PLIN4: variants seen among roughly 807,000 people sequenced by gnomAD.
The protein encoded by PLIN4 is perilipin 4.
PLIN4 carries 57 observed loss-of-function variants against 52.4 expected under a neutral mutation model. The observed-to-expected ratio is 1.09, with a 90% CI of 0.88 to 1.36. The LOEUF is 1.36. PLIN4 is among the 40% of genes most tolerant of loss of function. PLIN4 has a pLI of 0.00. For missense variants in PLIN4, 1,757 were observed against 1,770.3 expected, an observed-to-expected ratio of 0.99 and a Z score of 0.13; for synonymous variants, 826 against 785.4, an observed-to-expected ratio of 1.05 and a Z score of -0.86.
rs376010298 is a variant in PLIN4, at chr19:4,511,045, A to G, written c.2915T>C (p.Val972Ala). 4.3e-6 allele frequency: 7 copies of G among 1,613,024 alleles called. No homozygotes were observed. In the African/African-American group the frequency reaches 8.0e-5, roughly 18 times the overall value. The change falls in exon 5 of 8, where the codon GTG becomes GCG. Residue 972 changes from valine (V) to alanine (A), a missense_variant. By Grantham distance (64) the Val-to-Ala change is moderately conservative. Transcript: ENST00000301286. The stretch of plus-strand genomic sequence containing the variant: ...CTGCACGGTTCCTTTGGCCACATTC[A>G]CTGCCCCCGTGACTCCAGTAGTCAC... ...DAVTTGVTGA[V>A]NVAKGTVQTG...
At position 4,504,178 on chromosome 19, in the gene PLIN4, G is replaced by C. The variant is rs1599733438; in HGVS notation, c.*281C>G. On this transcript the variant is annotated 3_prime_UTR_variant, in exon 8 of 8. Transcript: ENST00000301286. ...CAGTGCTTGCTTGGGGACTTCAAGG[G>C]AAGGCTCTTGGCTGGTGGTCTGAGT... 2.6e-6 allele frequency: 1 copy of C among 388,478 alleles called. No homozygotes were observed. Among genetic ancestry groups the C allele is most frequent in the Non-Finnish European group, 4.6e-6 (1 of 218,486 alleles). 24.1% of individuals were successfully genotyped at this position (388,478 alleles called of 1,614,324 possible). A position where few individuals can be genotyped will look rare whatever the true frequency, so the allele number is the denominator to read the frequency against.
In PLIN4 at chr19:4,510,537, G is replaced by A. The variant is rs761574016; in HGVS notation, c.3423C>T (p.His1141=). ...CCAAGCGTGGGGCTTCTTCGGGGCC[G>A]TGTGTGGTGGCCAAAAGCCCCGTGT... ...REDTGLLATT[H]GPEEAPRLAM... Residue 1141 remains histidine, a synonymous_variant, in exon 5 of 8, where the codon CAC becomes CAT. Coordinates refer to ENST00000301286, the MANE Select transcript of PLIN4 (RefSeq NM_001367868.2). 99 of 1,492,572 alleles carry A rather than the reference G, an allele frequency of 6.6e-5. No homozygotes were observed. The Middle Eastern group carries it at 7.2e-4, about 11-fold the overall frequency. 92.5% of individuals were successfully genotyped at this position (1,492,572 alleles called of 1,614,324 possible).
chr19:4,517,648 G>A lies in PLIN4; in HGVS notation c.102C>T (p.Asn34=), dbSNP rs1976624348. ...GSLPGFSSAR[N]LVANAHSSAR... ...CCGAGCTATGTGCGTTGGCCACCAG[G>A]TTCCGGGCAGAGCTGAAGCCAGGCA... The change falls in exon 3 of 8, where the codon AAC becomes AAT. Residue 34 remains asparagine (N), a synonymous_variant. Coordinates refer to ENST00000301286, the MANE Select transcript of PLIN4 (RefSeq NM_001367868.2). The A allele has an allele frequency of 6.2e-7, 1 of 1,607,004 alleles. No individual in the cohort carries two copies. Among genetic ancestry groups the A allele is most frequent in the South Asian group, 1.1e-5 (1 of 89,900 alleles).
Position 4,513,481 on chromosome 19 carries a change from G to T in PLIN4, c.479C>A (p.Thr160Asn), listed in dbSNP as rs771446482. The T allele has an allele frequency of 3.7e-6, 6 of 1,613,216 alleles. No homozygotes were observed. In the Admixed American group the frequency reaches 1.0e-4, roughly 27 times the overall value. The change falls in exon 5 of 8, where the codon ACC becomes AAC. Residue 160 changes from threonine (T) to asparagine (N), a missense_variant. Coordinates refer to ENST00000301286, the MANE Select transcript of PLIN4 (RefSeq NM_001367868.2). ...AKGAVQGGLD[T>N]SKAVLTGTKD... ...GGTGCCGGTGAGGACAGCCTTCGAG[G>T]TGTCCAGACCCCCTTGGACGGCCCC...
rs368373325 is a variant in PLIN4, at chr19:4,511,356, C to T, written c.2604G>A (p.Gly868=). ...TGGCCACTTTCGCAGCACCGGTCAC[C>T]CCACTGCCAAGGGTGTTCTTTGTAC... ...ATGTKNTLGS[G]VTGAAKVAKG... Residue 868 remains glycine (G), a synonymous_variant, in exon 5 of 8, where the codon GGG becomes GGA. Transcript: ENST00000301286. The T allele has an allele frequency of 1.0e-5, 16 of 1,582,668 alleles. 1 individual carries two copies. Among genetic ancestry groups the T allele is most frequent in the African/African-American group, 1.4e-5 (1 of 70,018 alleles).
At position 4,511,116 on chromosome 19, in the gene PLIN4, T is replaced by C. The variant is rs750880830; in HGVS notation, c.2844A>G (p.Thr948=). The C allele has an allele frequency of 1.2e-6, 2 of 1,610,388 alleles. No individual in the cohort carries two copies. The highest frequency in any genetic ancestry group is 1.3e-5 in the African/African-American group (1 of 74,848). The part of the protein sequence containing the change: ...AVNVAKGTVQ[T]GVDTAKTVLS... ...GCACCGTCTTGGCTGTGTCCACACC[T>C]GTCTGGACGGTCCCTTTGGCCACAT... Residue 948 remains threonine, a synonymous_variant, in exon 5 of 8, where the codon ACA becomes ACG. Coordinates refer to ENST00000301286, the MANE Select transcript of PLIN4 (RefSeq NM_001367868.2).
At chr19:4,507,614 A>C (rs1401832858) in intron 6 of PLIN4, among the ~76,000 whole-genome samples, 1 of 152,070 alleles carries the variant, frequency 6.6e-6, no homozygotes, top group Non-Finnish European at 1.5e-5. Context: ...TCTTGACCCC[A>C]GTAGGTTGAA....
In PLIN4 at chr19:4,512,803, T is replaced by C. The variant is rs1976456066; in HGVS notation, c.1157A>G (p.Gln386Arg). 2 of 1,564,948 alleles carry C rather than the reference T, an allele frequency of 1.3e-6. No homozygotes were observed. The highest frequency in any genetic ancestry group is 1.7e-6 in the Non-Finnish European group (2 of 1,161,854). The stretch of plus-strand genomic sequence containing the variant: ...AGACTTGGTGGTATCCAGGCCCCCC[T>C]GGATGGCCTCTTTGGCCAAGTTCAC... ...GAVNLAKEAI[Q>R]GGLDTTKSMV... is the part of the protein sequence containing the mutation. Residue 386 changes from glutamine to arginine, a missense_variant, in exon 5 of 8, where the codon CAG becomes CGG. By Grantham distance (43) the Gln-to-Arg change is conservative. Coordinates refer to ENST00000301286, the MANE Select transcript of PLIN4 (RefSeq NM_001367868.2).
In PLIN4 at chr19:4,510,323, G is replaced by A. The variant is rs556574703; in HGVS notation, c.3514+123C>T. 2.7e-5 allele frequency: 30 copies of A among 1,101,244 alleles called. No homozygotes were observed. In the African/African-American group the frequency reaches 4.2e-4, roughly 16 times the overall value. The allele number at this position is 1,101,244 out of a possible 1,614,324, so 68.2% of individuals were successfully genotyped here. On this transcript the variant is annotated intron_variant, in intron 5 of 7. Transcript: ENST00000301286. Reference sequence around the variant, plus strand: ...GGAGCTTGCAGTGAACCGAGATCACGCCACTGCACTCCAGCCTGGGCAACA... The same window carrying A: ...GGAGCTTGCAGTGAACCGAGATCACACCACTGCACTCCAGCCTGGGCAACA...
At chr19:4,506,265 T>G (rs562438431) in intron 6 of PLIN4, among the ~76,000 whole-genome samples, 2 of 152,262 alleles carry the variant, frequency 1.3e-5, no homozygotes, top group East Asian at 3.9e-4. Context: ...CTCCCAGGCC[T>G]CCTTCCTATT....
chr19:4,502,801 G>A lies in PLIN4; in HGVS notation c.*1658C>T, dbSNP rs77527772. 0.036 allele frequency: 5,538 copies of A among 152,778 alleles called. 228 individuals carry two copies. The highest frequency in any genetic ancestry group is 0.096 in the African/African-American group (4,008 of 41,556). 9.5% of individuals were successfully genotyped at this position (152,778 alleles called of 1,614,324 possible). ...TCCCAAGCAAGTCACCCCGTGCTCCGAAGTTGCTCATTCCACAGTGGCGTC... is the reference window on the plus strand; with the variant it reads ...TCCCAAGCAAGTCACCCCGTGCTCCAAAGTTGCTCATTCCACAGTGGCGTC... On this transcript the variant is annotated 3_prime_UTR_variant, in exon 8 of 8. Transcript: ENST00000301286.
At chr19:4,505,309 C>T (rs1976059863) in intron 6 of PLIN4, among the ~76,000 whole-genome samples, 1 of 152,140 alleles carries the variant, frequency 6.6e-6, no homozygotes, top group Non-Finnish European at 1.5e-5. Context: ...CCACTGCTGT[C>T]TCCACTGAGG....
Position 4,504,467 on chromosome 19 carries a change from C to T in PLIN4, c.4108G>A (p.Gly1370Arg), listed in dbSNP as rs772092808. The T allele has an allele frequency of 1.9e-5, 30 of 1,573,546 alleles. No individual in the cohort carries two copies. The highest frequency in any genetic ancestry group is 1.6e-4 in the East Asian group (7 of 43,674). Residue 1370 changes from glycine (G) to arginine (R), a missense_variant, in exon 8 of 8, where the codon GGG becomes AGG. By Grantham distance (125) the Gly-to-Arg change is moderately radical. Transcript: ENST00000301286. ...CCTGCAGGCTCCTACAGCTACTGCC[C>T]GCCAGCGGGCAAGGCGAAGGGCCCT... ...LVGPFALPAG[G>R]Q
intron 6 of PLIN4, among the ~76,000 whole-genome samples, chr19:4,505,474 C>T (rs1976064553): frequency 6.6e-6 from 1 of 152,222 alleles, no homozygotes; most frequent in African/African-American, 2.4e-5. Context: ...TGAGACCTTC[C>T]TGGCCCATGG....
In PLIN4 at chr19:4,513,650, C is replaced by T. The variant is rs1976506464; in HGVS notation, c.310G>A (p.Asp104Asn). 2 of 1,606,798 alleles carry T rather than the reference C, an allele frequency of 1.2e-6. No homozygotes were observed. The highest frequency in any genetic ancestry group is 1.7e-6 in the Non-Finnish European group (2 of 1,176,614). Residue 104 changes from aspartate to asparagine, a missense_variant, in exon 5 of 8, where the codon GAT becomes AAT. Physicochemically the swap from Asp to Asn is conservative, Grantham distance 23. Around this residue, in one of 7 missense-constraint regions of PLIN4, gnomAD observed 332 missense variants for 310.8 expected, o/e 1.07. Coordinates refer to ENST00000301286, the MANE Select transcript of PLIN4 (RefSeq NM_001367868.2). ...LVCSKMSRAK[D>N]AVSSGVASVV... Reference sequence around the variant, plus strand: ...CTGGCCACCCCGGAGGACACGGCATCCTTGGCCCTGGACATCTTGGAACAC... The same window carrying T: ...CTGGCCACCCCGGAGGACACGGCATTCTTGGCCCTGGACATCTTGGAACAC...
In PLIN4 at chr19:4,506,525, G is replaced by A. The variant is rs114599611; in HGVS notation, c.3703-1578C>T. On this transcript the variant is annotated intron_variant, in intron 6 of 7. Transcript: ENST00000301286. ...GTGAATTGTCTTCCCCAACCATGGC[G>A]CCCCCCACCCCCCAAGGGCAGGCCT... 9.5e-3 allele frequency among the ~76,000 whole-genome samples: 1,443 copies of A among 152,018 alleles called. 29 individuals carry two copies. Among genetic ancestry groups the A allele is most frequent in the African/African-American group, 0.034 (1,390 of 41,454 alleles).
chr19:4,518,475 C>T lies in PLIN4; in HGVS notation c.-108G>A, dbSNP rs569583049. On this transcript the variant is annotated 5_prime_UTR_variant, in exon 1 of 8. Transcript: ENST00000301286. The stretch of plus-strand genomic sequence containing the variant: ...GGGTCCCCTGGAGGACGGACCGGCC[C>T]GGCTGGCAGCTGGCTCTACCCTCAG... 8.1e-5 allele frequency: 98 copies of T among 1,216,426 alleles called. No individual in the cohort carries two copies. The South Asian group carries it at 2.0e-3, about 24-fold the overall frequency. 75.4% of individuals were successfully genotyped at this position (1,216,426 alleles called of 1,614,324 possible). A position where few individuals can be genotyped will look rare whatever the true frequency, so the allele number is the denominator to read the frequency against.
In PLIN4 at chr19:4,510,875, C is replaced by G. The variant is rs766074543; in HGVS notation, c.3085G>C (p.Ala1029Pro). The change falls in exon 5 of 8, where the codon GCA becomes CCA. Residue 1029 changes from alanine to proline, a missense_variant. Around this residue, in one of 7 missense-constraint regions of PLIN4, gnomAD observed 712 missense variants for 637.1 expected, o/e 1.12. Transcript: ENST00000301286. ...TKTVLTGTKD[A>P]VSAGLMGSGN... The stretch of plus-strand genomic sequence containing the variant: ...GACCCCATGAGCCCAGCGGACACTG[C>G]GTCTTTGGTTCCGGTCAGCACTGTC... 6.2e-7 allele frequency: 1 copy of G among 1,613,562 alleles called. No individual in the cohort carries two copies. The highest frequency in any genetic ancestry group is 8.5e-7 in the Non-Finnish European group (1 of 1,179,832).
chr19:4,518,085 G>T, intron 2 of PLIN4, 137 bp downstream of exon 2: 2 of 737,042 alleles, frequency 2.7e-6, no homozygotes, highest in Non-Finnish European at 3.8e-6. Flanking sequence ...TGGCATCATG[G>T]CTCCCAGACC....
Sources: gnomAD v4.1 joint callset for allele counts (sites outside exome capture counted in the v4.1 genomes callset) on GRCh38, gnomAD v4.1.1 for gene constraint, gnomAD v4.1.1 regional missense constraint, MANE v1.5 for transcripts, NCBI Gene and HGNC (gene_info 2026-07-23, HGNC 2026-07-21) for gene names.